Variants in IMPG2 observed in about 807,000 individuals in gnomAD.
IMPG2 encodes the protein interphotoreceptor matrix proteoglycan 2, also known as IPM 200.
Under a neutral mutation model 129.2 loss-of-function variants are expected in IMPG2, and 91 were observed. The observed-to-expected ratio is 0.70, with a 90% CI of 0.59 to 0.84. The LOEUF (loss-of-function observed/expected upper bound fraction) is 0.84. Among genes scored for constraint, IMPG2 ranks in the 40% least tolerant of loss-of-function variants. The pLI, the probability that IMPG2 is intolerant of heterozygous loss-of-function variation, is 0.00. For missense variants in IMPG2, 1,430 were observed against 1,461.7 expected, an observed-to-expected ratio of 0.98 and a Z score of 0.35; for synonymous variants, 510 against 517.7, an observed-to-expected ratio of 0.99 and a Z score of 0.20.
At chr3:101,264,352 C>G (rs557311688) in intron 9 of IMPG2, among the ~76,000 whole-genome samples, 1 of 152,078 alleles carries the variant, frequency 6.6e-6, no homozygotes, top group East Asian at 1.9e-4. Context: ...GATAATACAC[C>G]ATGACCAAGT....
At chr3:101,265,149 C>T (rs979170871) in intron 9 of IMPG2, among the ~76,000 whole-genome samples, 2 of 151,928 alleles carry the variant, frequency 1.3e-5, no homozygotes, top group Non-Finnish European at 2.9e-5. Context: ...TGAAGCAATC[C>T]TTATCAAAAT....
intron 2 of IMPG2, among the ~76,000 whole-genome samples, chr3:101,310,862 C>T (rs1212893475): frequency 1.3e-5 from 2 of 152,114 alleles, no homozygotes; most frequent in Non-Finnish European, 2.9e-5. Flanking sequence ...CAAGCTGTCT[C>T]CTATAAATTA....
At chr3:101,265,221 G>C (rs747964806) in intron 9 of IMPG2, among the ~76,000 whole-genome samples, 3 of 151,966 alleles carry the variant, frequency 2.0e-5, no homozygotes, top group Non-Finnish European at 2.9e-5. Context: ...AACCACAAAA[G>C]ACCCCAGATA....
In IMPG2 at chr3:101,320,318, G is replaced by A. The variant is rs760130716; in HGVS notation, c.55C>T (p.Leu19=). The change falls in exon 1 of 19, where the codon CTG becomes TTG. Residue 19 remains leucine, a synonymous_variant. Coordinates refer to ENST00000193391, the MANE Select transcript of IMPG2 (RefSeq NM_016247.4). ...KISLGILIFV[L]IEGDFPSLTA... is the part of the protein sequence containing the mutation. ...AATGATGGAAAGTCTCCTTCTATCA[G>A]GACAAATATCAAAATACCCAGAGAA... The A allele has an allele frequency of 6.2e-7, 1 of 1,605,332 alleles. No individual in the cohort carries two copies. The highest frequency in any genetic ancestry group is 1.1e-5 in the South Asian group (1 of 90,866).
intron 3 of IMPG2, among the ~76,000 whole-genome samples, chr3:101,298,964 G>A (rs186057392): frequency 6.6e-6 from 1 of 152,264 alleles, no homozygotes; most frequent in East Asian, 1.9e-4. Context: ...GGTTGGGGAA[G>A]TTCTCCTGGA....
chr3:101,275,063 TA>T (rs750282505), intron 6 of IMPG2, among the ~76,000 whole-genome samples: 8,610 of 141,642 alleles, frequency 0.061, 569 homozygotes, highest in African/African-American at 0.17. Context: ...AGCTCTATAT[TA>T]AAAAAAAAAA....
chr3:101,232,018 A>G (rs1396325592), intron 15 of IMPG2, among the ~76,000 whole-genome samples: 1 of 152,182 alleles, frequency 6.6e-6, no homozygotes, highest in Admixed American at 6.5e-5. Context: ...TTATTTTTGA[A>G]TGAATACTAA....
Position 101,222,794 on chromosome 3 carries a change from T to C in IMPG2, c.*4175A>G, listed in dbSNP as rs1412254607. 6.6e-6 allele frequency: 1 copy of C among 152,232 alleles called. No individual in the cohort carries two copies. The highest frequency in any genetic ancestry group is 2.4e-5 in the African/African-American group (1 of 41,464). 9.4% of individuals were successfully genotyped at this position (152,232 alleles called of 1,614,324 possible). On this transcript the variant is annotated 3_prime_UTR_variant, in exon 19 of 19. Coordinates refer to ENST00000193391, the MANE Select transcript of IMPG2 (RefSeq NM_016247.4). The stretch of plus-strand genomic sequence containing the variant: ...ATACTCGATATTAAACATATATTAC[T>C]GTATGTACACTATTGCTTAAGTATC...
chr3:101,243,220 A>T (rs1329743124), intron 13 of IMPG2, among the ~76,000 whole-genome samples: 1 of 152,254 alleles, frequency 6.6e-6, no homozygotes, highest in African/African-American at 2.4e-5. Context: ...ATAGGTACCC[A>T]CAAAACATTA....
At chr3:101,261,611 CT>C (rs1706670634) in intron 9 of IMPG2, among the ~76,000 whole-genome samples, 1 of 152,024 alleles carries the variant, frequency 6.6e-6, no homozygotes, top group South Asian at 2.1e-4. Context: ...GATAAAATGC[CT>C]CAGAGAGATG....
chr3:101,304,415 T>C (rs1707168193), intron 2 of IMPG2, 103 bp from the exon 3 acceptor site: 2 of 1,060,196 alleles, frequency 1.9e-6, no homozygotes, highest in East Asian at 2.5e-5. Flanking sequence ...CACTGAAGTG[T>C]CCTTTCTGGA....
intron 18 of IMPG2, among the ~76,000 whole-genome samples, 200 bp downstream of exon 18, chr3:101,228,596 CA>C (rs1706248584): frequency 6.6e-6 from 1 of 152,210 alleles, no homozygotes; most frequent in African/African-American, 2.4e-5. Flanking sequence ...AAGAAACACT[CA>C]ATTTACAAAG....
chr3:101,283,772 C>T (rs1023906090), intron 4 of IMPG2, among the ~76,000 whole-genome samples: 6 of 152,090 alleles, frequency 3.9e-5, no homozygotes, highest in Admixed American at 6.6e-5. Context: ...AAACAAAAAA[C>T]TCTGAGCTAT....
chr3:101,273,910 G>T (rs1458388790), intron 6 of IMPG2, among the ~76,000 whole-genome samples, 168 bp from the exon 7 acceptor site: 6 of 152,118 alleles, frequency 3.9e-5, no homozygotes, highest in Non-Finnish European at 8.8e-5. Context: ...TAAGACACAG[G>T]CTAACAGCCA....
intron 2 of IMPG2, among the ~76,000 whole-genome samples, 160 bp from the exon 3 acceptor site, chr3:101,304,472 CA>C (rs1707168616): frequency 6.6e-6 from 1 of 152,098 alleles, no homozygotes. Context: ...TATGTATGTC[CA>C]GTTTAAACTT....
chr3:101,243,456 T>C (rs1706431828), intron 13 of IMPG2, 73 bp downstream of exon 13: 2 of 1,321,448 alleles, frequency 1.5e-6, no homozygotes, highest in African/African-American at 1.4e-5. Context: ...TCAGACCTTA[T>C]GTGCTAGAGG....
intron 15 of IMPG2, among the ~76,000 whole-genome samples, chr3:101,232,522 G>A (rs1409329904): frequency 6.6e-6 from 1 of 152,060 alleles, no homozygotes; most frequent in Non-Finnish European, 1.5e-5. Flanking sequence ...ACAGGCGTGA[G>A]CCACTGCACC....
chr3:101,235,866 A>T (rs1240100821), intron 14 of IMPG2, among the ~76,000 whole-genome samples: 3 of 152,138 alleles, frequency 2.0e-5, no homozygotes, highest in Non-Finnish European at 4.4e-5. Flanking sequence ...AGATGTGTAG[A>T]TGGTCTGGAA....
chr3:101,243,026 T>A (rs1262581755), intron 13 of IMPG2, 119 bp from the exon 14 acceptor site: 7 of 773,190 alleles, frequency 9.1e-6, no homozygotes, highest in Non-Finnish European at 1.4e-5. Context: ...CTAATTGTAT[T>A]TTATCTACAC....
Sources: allele counts gnomAD v4.1 joint callset (sites outside exome capture counted in the v4.1 genomes callset), GRCh38; gene constraint gnomAD v4.1.1; transcripts MANE v1.5; gene names NCBI Gene and HGNC (gene_info 2026-07-23, HGNC 2026-07-21).